Variants in ATF7IP observed in about 807,000 individuals in gnomAD.
The protein encoded by ATF7IP is activating transcription factor 7 interacting protein.
Under a neutral mutation model 106.4 loss-of-function variants are expected in ATF7IP, and 23 were observed. The observed-to-expected ratio is 0.22, with a 90% CI of 0.16 to 0.31. The LOEUF is 0.31. ATF7IP is among the 10% of genes least tolerant of loss of function. The probability of loss-of-function intolerance (pLI) is 1.00; values close to 1 mark genes in which losing one functional copy is unlikely to be tolerated. For synonymous variants in ATF7IP, 542 were observed against 539.0 expected (o/e 1.01, Z -0.08); for missense variants, 1,334 against 1,524.3 (o/e 0.88, Z 2.08).
intron 1 of ATF7IP, among the ~76,000 whole-genome samples, chr12:14,394,109 A>G (rs1407711044): frequency 6.6e-6 from 1 of 152,186 alleles, no homozygotes; most frequent in Non-Finnish European, 1.5e-5. Flanking sequence ...AAGGTACACA[A>G]TTCTTATTAT....
chr12:14,443,909 A>T (rs1383894939), intron 5 of ATF7IP, among the ~76,000 whole-genome samples: 1 of 152,216 alleles, frequency 6.6e-6, no homozygotes, highest in Non-Finnish European at 1.5e-5. Context: ...AAGATTTCAC[A>T]TATGGTAGTT....
At chr12:14,422,428 C>T (rs1941585806) in intron 1 of ATF7IP, among the ~76,000 whole-genome samples, 1 of 151,100 alleles carries the variant, frequency 6.6e-6, no homozygotes, top group Non-Finnish European at 1.5e-5. Flanking sequence ...TACTATTCAC[C>T]CACTTAAAGT....
chr12:14,395,689 T>C (rs1207223156), intron 1 of ATF7IP, among the ~76,000 whole-genome samples: 1 of 152,140 alleles, frequency 6.6e-6, no homozygotes, highest in Non-Finnish European at 1.5e-5. Flanking sequence ...TGAATTCACC[T>C]TTACAAATCA....
intron 1 of ATF7IP, among the ~76,000 whole-genome samples, chr12:14,398,597 CTATT>C (rs1426816218): frequency 6.6e-6 from 1 of 150,946 alleles, no homozygotes; most frequent in Non-Finnish European, 1.5e-5. Flanking sequence ...GTATACAGTT[CTATT>C]TATTTTTGTT....
At chr12:14,391,314 G>C (rs577839056) in intron 1 of ATF7IP, among the ~76,000 whole-genome samples, 1 of 152,324 alleles carries the variant, frequency 6.6e-6, no homozygotes, top group East Asian at 1.9e-4. Context: ...TTCTGCATCT[G>C]CCTGAGGGAA....
At chr12:14,490,071 T>A (rs947288928) in intron 13 of ATF7IP, among the ~76,000 whole-genome samples, 6 of 152,204 alleles carry the variant, frequency 3.9e-5, no homozygotes, top group African/African-American at 1.2e-4. Flanking sequence ...AATTGGGTAC[T>A]CGGCATTAGC....
At chr12:14,463,948 GA>G (rs1397482599) in intron 9 of ATF7IP, among the ~76,000 whole-genome samples, 3 of 152,092 alleles carry the variant, frequency 2.0e-5, no homozygotes, top group South Asian at 2.1e-4. Context: ...AGATTTGGGG[GA>G]AAGTTATATA....
At chr12:14,403,399 A>G (rs1365126157) in intron 1 of ATF7IP, among the ~76,000 whole-genome samples, 4 of 151,968 alleles carry the variant, frequency 2.6e-5, no homozygotes, top group East Asian at 3.9e-4. Context: ...ATTAGAAGAA[A>G]ATGTATAGTT....
At chr12:14,479,598 T>C (rs931507971) in intron 12 of ATF7IP, among the ~76,000 whole-genome samples, 25 of 152,188 alleles carry the variant, frequency 1.6e-4, no homozygotes, top group African/African-American at 2.4e-5. Context: ...AGCAAACTAT[T>C]TGTTAATTAA....
At chr12:14,378,612 T>C (rs1306558126) in intron 1 of ATF7IP, among the ~76,000 whole-genome samples, 1 of 152,338 alleles carries the variant, frequency 6.6e-6, no homozygotes, top group East Asian at 1.9e-4. Context: ...AAATAAAATG[T>C]TAACCACAAT....
At chr12:14,476,291 G>A in intron 11 of ATF7IP, 2 of 188,864 alleles carry the variant, frequency 1.1e-5, no homozygotes, top group Non-Finnish European at 2.2e-5. Context: ...ATGTGTCTGT[G>A]GTCCCAGCTG....
chr12:14,486,320 T>C (rs983973735), intron 13 of ATF7IP, among the ~76,000 whole-genome samples: 45 of 152,164 alleles, frequency 3.0e-4, no homozygotes, highest in Non-Finnish European at 7.4e-5. Flanking sequence ...GTCCCTGAAA[T>C]GTCTGGTCAT....
At chr12:14,391,979 C>T (rs1193057451) in intron 1 of ATF7IP, among the ~76,000 whole-genome samples, 1 of 152,168 alleles carries the variant, frequency 6.6e-6, no homozygotes, top group African/African-American at 2.4e-5. Context: ...CCTCGGCCTC[C>T]AAAAGTGCTG....
At chr12:14,387,271 G>A (rs1367033806) in intron 1 of ATF7IP, among the ~76,000 whole-genome samples, 1 of 151,940 alleles carries the variant, frequency 6.6e-6, no homozygotes, top group African/African-American at 2.4e-5. Context: ...CTTTCAGTAA[G>A]GTTATCCTTG....
chr12:14,430,640 T>G (rs1379562284), intron 2 of ATF7IP, among the ~76,000 whole-genome samples: 1 of 152,226 alleles, frequency 6.6e-6, no homozygotes, highest in African/African-American at 2.4e-5. Flanking sequence ...TTCATCTCCT[T>G]TGCCCATTTT....
chr12:14,456,790 T>A (rs1435179437), intron 7 of ATF7IP, among the ~76,000 whole-genome samples, 156 bp downstream of exon 7: 1 of 152,244 alleles, frequency 6.6e-6, no homozygotes, highest in East Asian at 1.9e-4. Context: ...TTCATTATAT[T>A]GTTCATCTGT....
chr12:14,437,389 C>A (rs1210766473), intron 4 of ATF7IP, among the ~76,000 whole-genome samples: 1 of 152,014 alleles, frequency 6.6e-6, no homozygotes, highest in East Asian at 1.9e-4. Flanking sequence ...CCCCTAGTTT[C>A]TTTTTATTTG....
chr12:14,466,471 C>T, intron 9 of ATF7IP, 55 bp from the exon 10 acceptor site: 1 of 1,426,338 alleles, frequency 7.0e-7, no homozygotes, highest in Admixed American at 1.9e-5. Flanking sequence ...TATAAAGCAA[C>T]TTAACTTTTT....
rs367771974 is a variant in ATF7IP at position 14,423,884 on chromosome 12, ACT to A, written c.-7-20_-7-19del. ...AGGTGGCTTCTGTTTCAGTTATTAA[ACT>A]CTCTTTCTCTTTTTTCTTAAAGATT... On this transcript the variant is annotated intron_variant, in intron 1 of 14. Transcript: ENST00000261168. 244 of 1,542,910 alleles carry A rather than the reference ACT, an allele frequency of 1.6e-4. 2 individuals carry two copies. The Middle Eastern group carries it at 1.8e-3, about 11-fold the overall frequency.
Sources: allele counts gnomAD v4.1 joint callset (sites outside exome capture counted in the v4.1 genomes callset), GRCh38; gene constraint gnomAD v4.1.1; transcripts MANE v1.5; gene names NCBI Gene and HGNC (gene_info 2026-07-23, HGNC 2026-07-21).